HEATR4: variants seen among roughly 807,000 people sequenced by gnomAD.
HEATR4 encodes the protein HEAT repeat containing 4.
HEATR4 carries 95 observed loss-of-function variants against 108.8 expected under a neutral mutation model. That is an observed-to-expected ratio of 0.87 (90% CI 0.74 to 1.04). HEATR4 has a LOEUF of 1.04. HEATR4 is among the 50% of genes least tolerant of loss of function. HEATR4 has a pLI of 0.00. For missense variants in HEATR4, 1,152 were observed against 1,253.8 expected, an observed-to-expected ratio of 0.92 and a Z score of 1.23; for synonymous variants, 443 against 459.4, an observed-to-expected ratio of 0.96 and a Z score of 0.46.
intron 5 of HEATR4, among the ~76,000 whole-genome samples, chr14:73,515,304 T>C (rs891044946): frequency 6.6e-6 from 1 of 152,198 alleles, no homozygotes; most frequent in Non-Finnish European, 1.5e-5. Flanking sequence ...TCATTCTGAC[T>C]CTTAACACCT....
At chr14:73,504,164 G>A (rs1237471788) in intron 10 of HEATR4, among the ~76,000 whole-genome samples, 7 of 141,416 alleles carry the variant, frequency 4.9e-5, no homozygotes, top group African/African-American at 1.6e-4. Flanking sequence ...TGCAACCTCC[G>A]CCTCCTGGGT....
At position 73,558,375 on chromosome 14, in the gene HEATR4, T is replaced by G. The variant is rs1429155012; in HGVS notation, c.-152+376A>C. Among the ~76,000 whole-genome samples the G allele has an allele frequency of 2.3e-4, 32 of 139,884 alleles. 3 individuals carry two copies. The highest frequency in any genetic ancestry group is 3.1e-4 in the Non-Finnish European group (20 of 63,530). The allele number at this position is 139,884 out of a possible 152,430, so 91.8% of individuals were successfully genotyped here. A position where few individuals can be genotyped will look rare whatever the true frequency, so the allele number is the denominator to read the frequency against. On this transcript the variant is annotated intron_variant, in intron 1 of 17. Coordinates refer to ENST00000553558, the MANE Select transcript of HEATR4 (RefSeq NM_001220484.1). ...CTGGTCTAATGCCTTGATTTGTTTT[T>G]TTTTTTTTGAGACAGGGTCTCACTC... is the stretch of plus-strand genomic sequence containing the variant.
At chr14:73,597,282 C>T in the HEATR4 span, among the ~76,000 whole-genome samples, 3,126 of 151,476 alleles carry the variant, frequency 0.021, 65 homozygotes, top group South Asian at 0.097. Context: ...GACAGGGTTT[C>T]GCCATGTTAG....
At chr14:73,520,569 A>T (rs1215016312) in intron 4 of HEATR4, 5 of 316,176 alleles carry the variant, frequency 1.6e-5, no homozygotes, top group African/African-American at 4.3e-5. Context: ...GAAGAGATGG[A>T]TTGTTCCCAA....
rs148447544 is a variant in HEATR4, at chr14:73,522,665, G to T, written c.488C>A (p.Pro163His). 5,699 of 1,614,258 alleles carry T rather than the reference G, an allele frequency of 3.5e-3. 14 individuals are homozygous for T. Among genetic ancestry groups the T allele is most frequent in the Non-Finnish European group, 4.6e-3 (5,420 of 1,180,052 alleles). Residue 163 changes from proline (P) to histidine (H), a missense_variant, in exon 3 of 18, where the codon CCT (proline) becomes CAT (histidine). Physicochemically the swap from Pro to His is moderately conservative, Grantham distance 77. Transcript: ENST00000553558. ...PASTVREAPRPLIHHPCMHPD... is the reference protein window; with the variant it reads ...PASTVREAPRHLIHHPCMHPD... ...ATGCATGCAGGGATGATGGATGAGA[G>T]GGCGGGGTGCTTCCCGGACGGTGCT... is the stretch of plus-strand genomic sequence containing the variant.
At chr14:73,591,935 T>C in the HEATR4 span, 1 of 1,359,738 alleles carries the variant, frequency 7.4e-7, no homozygotes, top group South Asian at 1.9e-5. Context: ...GCCTCGACCT[T>C]TGAATTCCCC....
chr14:73,597,235 C>T, the HEATR4 span, among the ~76,000 whole-genome samples: 1 of 151,962 alleles, frequency 6.6e-6, no homozygotes, highest in Non-Finnish European at 1.5e-5. Context: ...CAGGTGCCCG[C>T]CACCACGCCT....
chr14:73,575,906 C>G, the HEATR4 span, among the ~76,000 whole-genome samples: 1 of 151,962 alleles, frequency 6.6e-6, no homozygotes, highest in Non-Finnish European at 1.5e-5. Context: ...AATGCCAGCA[C>G]TTTGGGAGGC....
At chr14:73,616,159 G>T in the HEATR4 span, among the ~76,000 whole-genome samples, 1 of 152,072 alleles carries the variant, frequency 6.6e-6, no homozygotes, top group African/African-American at 2.4e-5. Context: ...TGTAGAGATG[G>T]GTCTTGTTAT....
chr14:73,606,852 C>G, the HEATR4 span, among the ~76,000 whole-genome samples: 1 of 152,172 alleles, frequency 6.6e-6, no homozygotes, highest in African/African-American at 2.4e-5. Flanking sequence ...TTCACCTTCC[C>G]AGAAGGAGTC....
upstream of HEATR4, among the ~76,000 whole-genome samples, chr14:73,562,311 C>A (rs2140325231): frequency 6.6e-6 from 1 of 152,180 alleles, no homozygotes; most frequent in South Asian, 2.1e-4. Flanking sequence ...TTTATAATTT[C>A]TTATGCCTGT....
At chr14:73,576,877 A>T in the HEATR4 span, among the ~76,000 whole-genome samples, 1 of 140,218 alleles carries the variant, frequency 7.1e-6, no homozygotes, top group African/African-American at 2.7e-5. Context: ...TTTTTTTTTT[A>T]AACCTTAGTT....
the HEATR4 span, among the ~76,000 whole-genome samples, chr14:73,598,402 AAAAG>A: frequency 2.0e-5 from 3 of 151,454 alleles, no homozygotes; most frequent in Non-Finnish European, 2.9e-5. Context: ...AAAAAAAAAA[AAAAG>A]AGAGAGATGG....
chr14:73,508,218 C>T lies in HEATR4; in HGVS notation c.1797G>A (p.Arg599=). ...TCTTTGTAAACAGCTGGTGGAGGAT[C>T]CTCTTAATCACAGGGTAAGTAGCAG... ...EGTATYPVIK[R]ILHQLFTKKN... is the part of the protein sequence containing the mutation. The change falls in exon 9 of 18, where the codon AGG becomes AGA. Residue 599 remains arginine, a synonymous_variant. Transcript: ENST00000553558. 1 of 1,613,960 alleles carries T rather than the reference C, an allele frequency of 6.2e-7. No individual in the cohort carries two copies. Among genetic ancestry groups the T allele is most frequent in the Non-Finnish European group, 8.5e-7 (1 of 1,179,856 alleles).
the HEATR4 span, chr14:73,617,200 C>T: frequency 6.2e-7 from 1 of 1,614,184 alleles, no homozygotes. Context: ...AAGGTGCGTT[C>T]TGGTGATCAC....
the HEATR4 span, among the ~76,000 whole-genome samples, chr14:73,613,564 A>T: frequency 6.6e-6 from 1 of 152,126 alleles, no homozygotes; most frequent in Non-Finnish European, 1.5e-5. Context: ...CTTCTATCAT[A>T]AACATGCTGT....
the HEATR4 span, among the ~76,000 whole-genome samples, chr14:73,587,721 A>G: frequency 6.6e-6 from 1 of 152,224 alleles, no homozygotes; most frequent in African/African-American, 2.4e-5. Context: ...AATTTCTGCT[A>G]GGAACACAAG....
upstream of HEATR4, among the ~76,000 whole-genome samples, chr14:73,561,132 G>A (rs1158995407): frequency 3.3e-5 from 5 of 152,010 alleles, no homozygotes; most frequent in African/African-American, 9.7e-5. Context: ...TTGGGAGGCC[G>A]AGGAGGGTGG....
At chr14:73,562,555 T>C (rs1182045443), upstream of HEATR4, among the ~76,000 whole-genome samples, 1 of 152,016 alleles carries the variant, frequency 6.6e-6, no homozygotes, top group Non-Finnish European at 1.5e-5. Context: ...TTTTTCTTCT[T>C]GCAGAGAGCC....
Sources: allele counts gnomAD v4.1 joint callset (sites outside exome capture counted in the v4.1 genomes callset), GRCh38; gene constraint gnomAD v4.1.1; transcripts MANE v1.5; gene names NCBI Gene and HGNC (gene_info 2026-07-23, HGNC 2026-07-21).